Variants in ST7 observed in about 807,000 individuals in gnomAD.
ST7 encodes suppressor of tumorigenicity 7 protein.
In ST7, 28 loss-of-function variants were observed where a neutral mutation model predicts 78.7. The observed-to-expected ratio is 0.36, with a 90% CI of 0.26 to 0.49. The LOEUF is 0.49. ST7 is among the 20% of genes least tolerant of loss of function. The probability of loss-of-function intolerance (pLI) is 0.99; values close to 1 mark genes in which losing one functional copy is unlikely to be tolerated. For synonymous variants in ST7, 247 were observed against 249.6 expected (o/e 0.99, Z 0.10); for missense variants, 418 against 696.0 (o/e 0.60, Z 4.49).
At chr7:116,966,084 T>C in intron 1 of ST7, 1 of 462,286 alleles carries the variant, frequency 2.2e-6, no homozygotes, top group South Asian at 1.6e-5. Context: ...AAATAAAATA[T>C]AAGGTCCATT....
At chr7:117,198,545 G>T in intron 12 of ST7, 1 of 294,820 alleles carries the variant, frequency 3.4e-6, no homozygotes, top group South Asian at 3.0e-5. Flanking sequence ...TGCTTGGTAA[G>T]TTCTTTGCTT....
intron 1 of ST7, among the ~76,000 whole-genome samples, chr7:116,974,263 G>A (rs1793584097): frequency 6.6e-6 from 1 of 151,134 alleles, no homozygotes; most frequent in Non-Finnish European, 1.5e-5. Context: ...TTTTGGCATG[G>A]TTTTAGTATA....
intron 1 of ST7, chr7:116,967,483 T>G: frequency 2.2e-6 from 1 of 458,210 alleles, no homozygotes; most frequent in Admixed American, 2.4e-5. Flanking sequence ...GGTCTACAGC[T>G]CTAGCGGGTC....
At chr7:117,206,407 A>C (rs1047970859) in intron 12 of ST7, among the ~76,000 whole-genome samples, 1 of 152,184 alleles carries the variant, frequency 6.6e-6, no homozygotes, top group African/African-American at 2.4e-5. Context: ...GGCAAAGTTC[A>C]TGCTCTTGGG....
At chr7:117,170,224 T>C (rs1807885216) in intron 9 of ST7, among the ~76,000 whole-genome samples, 1 of 152,186 alleles carries the variant, frequency 6.6e-6, no homozygotes, top group Non-Finnish European at 1.5e-5. Flanking sequence ...TTTATCTTTC[T>C]TGAGCATTTT....
intron 2 of ST7, among the ~76,000 whole-genome samples, chr7:117,105,058 A>G (rs956958847): frequency 6.6e-6 from 1 of 152,212 alleles, no homozygotes; most frequent in Non-Finnish European, 1.5e-5. Flanking sequence ...ACTAGGGAGA[A>G]TGATTGAATC....
intron 1 of ST7, among the ~76,000 whole-genome samples, chr7:116,985,826 A>G (rs1041715663): frequency 6.6e-6 from 1 of 152,148 alleles, no homozygotes; most frequent in Admixed American, 6.5e-5. Flanking sequence ...TTGGTGATTT[A>G]TTTTATTTTA....
intron 2 of ST7, among the ~76,000 whole-genome samples, chr7:117,106,229 A>AC (rs901621467): frequency 9.2e-5 from 14 of 151,726 alleles, no homozygotes; most frequent in African/African-American, 2.7e-4. Context: ...CGATCTCCTG[A>AC]CCTCAAGATC....
chr7:117,171,975 G>T, intron 10 of ST7, among the ~76,000 whole-genome samples: 1 of 147,916 alleles, frequency 6.8e-6, no homozygotes, highest in African/African-American at 2.5e-5. Context: ...GAGAGATAGG[G>T]CCTTCCTCTC....
At chr7:117,036,025 G>C (rs149149670) in intron 1 of ST7, among the ~76,000 whole-genome samples, 2 of 152,170 alleles carry the variant, frequency 1.3e-5, no homozygotes, top group Non-Finnish European at 2.9e-5. Flanking sequence ...GGATATTAGC[G>C]TTATAAGCCT....
chr7:117,107,311 A>G (rs1480563689), intron 2 of ST7, among the ~76,000 whole-genome samples: 1 of 152,124 alleles, frequency 6.6e-6, no homozygotes, highest in African/African-American at 2.4e-5. Flanking sequence ...ATCCAATGGT[A>G]GATGTACTTT....
At chr7:117,226,045 C>A (rs1793421538) in intron 15 of ST7, among the ~76,000 whole-genome samples, 2 of 152,176 alleles carry the variant, frequency 1.3e-5, no homozygotes, top group South Asian at 4.2e-4. Context: ...TCTTGTCTCT[C>A]TCCTTCTCCG....
At chr7:117,067,523 A>T (rs758401885) in intron 1 of ST7, among the ~76,000 whole-genome samples, 1 of 152,090 alleles carries the variant, frequency 6.6e-6, no homozygotes, top group Non-Finnish European at 1.5e-5. Context: ...ATTGAAAATT[A>T]CTGAGAAGAT....
intron 9 of ST7, among the ~76,000 whole-genome samples, chr7:117,162,047 A>G (rs1247864626): frequency 1.3e-5 from 2 of 152,158 alleles, no homozygotes; most frequent in Non-Finnish European, 2.9e-5. Context: ...GATTTTGGTG[A>G]CTTGTATATG....
At chr7:117,097,822 C>CTATA (rs372192783) in intron 1 of ST7, among the ~76,000 whole-genome samples, 7,435 of 99,088 alleles carry the variant, frequency 0.075, 352 homozygotes, top group East Asian at 0.14. Flanking sequence ...TGACATATCA[C>CTATA]TATATATATA....
At chr7:116,986,020 A>G (rs964567023) in intron 1 of ST7, among the ~76,000 whole-genome samples, 3 of 152,172 alleles carry the variant, frequency 2.0e-5, no homozygotes, top group African/African-American at 7.2e-5. Flanking sequence ...TTTAGTACAG[A>G]TGAGGTTTTG....
intron 1 of ST7, among the ~76,000 whole-genome samples, chr7:117,014,561 C>G (rs1795522220): frequency 6.6e-6 from 1 of 152,110 alleles, no homozygotes; most frequent in South Asian, 2.1e-4. Context: ...AATGTAATGA[C>G]AAAATTGAGA....
intron 12 of ST7, among the ~76,000 whole-genome samples, chr7:117,207,851 G>A (rs1791921210): frequency 6.6e-6 from 1 of 151,986 alleles, no homozygotes; most frequent in African/African-American, 2.4e-5. Context: ...TTTTGATGAT[G>A]ATTGTTATGG....
At chr7:117,072,082 A>G (rs1799001213) in intron 1 of ST7, 1 of 152,244 alleles carries the variant, frequency 6.6e-6, no homozygotes, top group Admixed American at 6.5e-5. Flanking sequence ...TCATAAGCAG[A>G]ATAATTCTCA....
Sources: allele counts gnomAD v4.1 joint callset (sites outside exome capture counted in the v4.1 genomes callset), GRCh38; gene constraint gnomAD v4.1.1; transcripts MANE v1.5; gene names NCBI Gene and HGNC (gene_info 2026-07-23, HGNC 2026-07-21).